Variants in RIMS1 observed in about 807,000 individuals in gnomAD.
RIMS1 encodes the protein regulating synaptic membrane exocytosis 1.
Under a neutral mutation model 214.1 loss-of-function variants are expected in RIMS1, and 83 were observed. That is an observed-to-expected ratio of 0.39 (90% CI 0.32 to 0.47). The LOEUF (loss-of-function observed/expected upper bound fraction) is 0.47. Among genes scored for constraint, RIMS1 ranks in the 20% least tolerant of loss-of-function variants. The pLI, the probability that RIMS1 is intolerant of heterozygous loss-of-function variation, is 0.99. For missense variants in RIMS1, 2,050 were observed against 2,161.8 expected (o/e 0.95, Z 1.03); for synonymous variants, 793 against 786.8 (o/e 1.01, Z -0.13).
At chr6:72,035,216 G>A (rs1012404105) in intron 2 of RIMS1, among the ~76,000 whole-genome samples, 1 of 152,078 alleles carries the variant, frequency 6.6e-6, no homozygotes, top group Admixed American at 6.6e-5. Flanking sequence ...CCTCAAATTG[G>A]TAAGGGTCTA....
chr6:72,046,383 G>A (rs144509415), intron 2 of RIMS1, among the ~76,000 whole-genome samples: 19 of 151,994 alleles, frequency 1.3e-4, no homozygotes, highest in African/African-American at 4.6e-4. Context: ...TTTAGATGCT[G>A]GAGTCAATAA....
chr6:72,083,869 A>G (rs546377384), intron 2 of RIMS1, among the ~76,000 whole-genome samples: 2 of 152,284 alleles, frequency 1.3e-5, no homozygotes, highest in South Asian at 4.1e-4. Context: ...ATAGAACTAG[A>G]TTTGATCCTG....
chr6:72,067,072 C>A (rs1829491058), intron 2 of RIMS1, among the ~76,000 whole-genome samples: 1 of 152,120 alleles, frequency 6.6e-6, no homozygotes, highest in Non-Finnish European at 1.5e-5. Context: ...TTCACCAGAG[C>A]AATTCATATC....
intron 29 of RIMS1, among the ~76,000 whole-genome samples, chr6:72,347,458 T>C (rs1053846221): frequency 6.6e-6 from 1 of 151,878 alleles, no homozygotes. Flanking sequence ...AAACTGTTCT[T>C]AGTAGATCAC....
At chr6:72,332,055 C>G (rs2154339611) in intron 28 of RIMS1, among the ~76,000 whole-genome samples, 1 of 151,916 alleles carries the variant, frequency 6.6e-6, no homozygotes, top group East Asian at 2.0e-4. Flanking sequence ...CAATTTCTCT[C>G]TCATTATATA....
chr6:72,125,313 C>T (rs2153835749), intron 4 of RIMS1, among the ~76,000 whole-genome samples: 1 of 152,294 alleles, frequency 6.6e-6, no homozygotes, highest in African/African-American at 2.4e-5. Context: ...CCAGCAGAGG[C>T]TGCAGAACAG....
At chr6:71,983,967 C>A (rs1799173721) in intron 2 of RIMS1, among the ~76,000 whole-genome samples, 1 of 152,118 alleles carries the variant, frequency 6.6e-6, no homozygotes, top group South Asian at 2.1e-4. Context: ...TTTATCTTAT[C>A]TTTGCTAATT....
Position 71,911,093 on chromosome 6 carries a change from A to G in RIMS1, c.164+23906A>G, listed in dbSNP as rs1562175869. ...GTTGAAAACCTCTTTGGAAGAAGCC[A>G]TATTGAAGACAAACATCATAGTACG... On this transcript the variant is annotated intron_variant, in intron 1 of 33. Transcript: ENST00000521978. 3.9e-5 allele frequency among the ~76,000 whole-genome samples: 6 copies of G among 152,192 alleles called. No individual in the cohort carries two copies. The South Asian group carries it at 1.2e-3, about 32-fold the overall frequency.
At chr6:71,979,319 G>A (rs1564609) in intron 2 of RIMS1, among the ~76,000 whole-genome samples, 78,735 of 151,724 alleles carry the variant, frequency 0.52, 20,907 homozygotes, top group East Asian at 0.82. Flanking sequence ...TGTGGCAACA[G>A]CTGAGATTTG....
intron 29 of RIMS1, among the ~76,000 whole-genome samples, chr6:72,342,289 T>C (rs1462394450): frequency 6.6e-6 from 1 of 151,652 alleles, no homozygotes; most frequent in African/African-American, 2.4e-5. Flanking sequence ...TTAATTCCCC[T>C]CCACAATTAG....
intron 2 of RIMS1, among the ~76,000 whole-genome samples, chr6:72,083,456 G>C (rs1833907523): frequency 6.6e-6 from 1 of 151,922 alleles, no homozygotes; most frequent in Non-Finnish European, 1.5e-5. Context: ...TTTTGCTTGT[G>C]GGCTCATTTT....
At chr6:72,059,063 T>C (rs1827140283) in intron 2 of RIMS1, among the ~76,000 whole-genome samples, 1 of 152,184 alleles carries the variant, frequency 6.6e-6, no homozygotes. Context: ...CTACTACCTG[T>C]ACTGTCTTCT....
At chr6:71,933,681 A>G (rs1426800163) in intron 1 of RIMS1, among the ~76,000 whole-genome samples, 4 of 72,326 alleles carry the variant, frequency 5.5e-5, no homozygotes, top group East Asian at 4.0e-4. Flanking sequence ...CTCTTCCTCA[A>G]TCACACACAC....
At chr6:72,177,182 A>C (rs959933966) in intron 4 of RIMS1, among the ~76,000 whole-genome samples, 1 of 152,134 alleles carries the variant, frequency 6.6e-6, no homozygotes, top group African/African-American at 2.4e-5. Context: ...CTGGTTTTTT[A>C]AAAACTGCAT....
chr6:71,994,311 G>A (rs895576063), intron 2 of RIMS1, among the ~76,000 whole-genome samples: 4 of 152,192 alleles, frequency 2.6e-5, no homozygotes, highest in Non-Finnish European at 5.9e-5. Context: ...GCAAATACGT[G>A]TAGTAGAAAC....
chr6:72,181,729 A>T (rs1465438598), intron 5 of RIMS1, among the ~76,000 whole-genome samples: 4 of 152,232 alleles, frequency 2.6e-5, no homozygotes, highest in Non-Finnish European at 5.9e-5. Context: ...GGGAGAAGCA[A>T]GATTGAAAGA....
intron 4 of RIMS1, among the ~76,000 whole-genome samples, chr6:72,173,985 TAA>T (rs5877315): frequency 2.9e-4 from 44 of 149,986 alleles, no homozygotes; most frequent in East Asian, 9.8e-4. Flanking sequence ...AAAATAAACT[TAA>T]AAAAAAAAAA....
chr6:72,050,935 A>G (rs1824465198), intron 2 of RIMS1, among the ~76,000 whole-genome samples: 1 of 152,126 alleles, frequency 6.6e-6, no homozygotes, highest in Non-Finnish European at 1.5e-5. Flanking sequence ...CTCCAGTTCC[A>G]ATGACATCAG....
chr6:72,146,717 C>A (rs2042806529), intron 4 of RIMS1, among the ~76,000 whole-genome samples: 1 of 152,128 alleles, frequency 6.6e-6, no homozygotes. Flanking sequence ...TAAAACAATC[C>A]TTTAACCCTC....
Sources: allele counts gnomAD v4.1 joint callset (sites outside exome capture counted in the v4.1 genomes callset), GRCh38; gene constraint gnomAD v4.1.1; transcripts MANE v1.5; gene names NCBI Gene and HGNC (gene_info 2026-07-23, HGNC 2026-07-21).